Variants in PALM2AKAP2 observed in about 807,000 individuals in gnomAD.
The protein encoded by PALM2AKAP2 is PALM2-AKAP2 fusion protein.
A neutral mutation model predicts 71.5 loss-of-function variants in PALM2AKAP2; 37 were observed. The ratio of observed to expected loss-of-function variants is 0.52; its 90% CI spans 0.40 to 0.68. The LOEUF is 0.68. Among genes scored for constraint, PALM2AKAP2 ranks in the 30% least tolerant of loss-of-function variants. The pLI, the probability that PALM2AKAP2 is intolerant of heterozygous loss-of-function variation, is 0.00. For missense variants in PALM2AKAP2, 1,224 were observed against 1,191.8 expected, an observed-to-expected ratio of 1.03 and a Z score of -0.40; for synonymous variants, 468 against 478.8, an observed-to-expected ratio of 0.98 and a Z score of 0.29.
intron 1 of PALM2AKAP2, among the ~76,000 whole-genome samples, chr9:110,053,609 A>G (rs1452754340): frequency 6.6e-6 from 1 of 151,946 alleles, no homozygotes; most frequent in Non-Finnish European, 1.5e-5. Context: ...ATTTGTTCCC[A>G]TCTTGGTGAC....
At position 110,088,678 on chromosome 9, in the gene PALM2AKAP2, T is replaced by C. The variant is rs1834627661; in HGVS notation, c.156+39823T>C. On this transcript the variant is annotated intron_variant, in intron 1 of 3. Transcript: ENST00000374525. ...GCACTCTCCAGCCACTGGCCACAAG[T>C]AGCTATTAAAGTTTGCATTTACGTG... 3.4e-5 allele frequency among the ~76,000 whole-genome samples: 5 copies of C among 147,314 alleles called. No individual in the cohort carries two copies. In the Admixed American group the frequency reaches 3.5e-4, roughly 10 times the overall value.
chr9:109,726,002 C>A (rs987159898), intron 1 of PALM2AKAP2, among the ~76,000 whole-genome samples: 1 of 152,220 alleles, frequency 6.6e-6, no homozygotes, highest in African/African-American at 2.4e-5. Flanking sequence ...TAATCTGCCC[C>A]CATGTTTTCA....
intron 3 of PALM2AKAP2, among the ~76,000 whole-genome samples, chr9:109,916,089 A>G (rs754319040): frequency 2.0e-5 from 3 of 152,064 alleles, no homozygotes; most frequent in Non-Finnish European, 4.4e-5. Context: ...GATTATAGGC[A>G]CCTGCCACCA....
At chr9:109,876,969 A>T (rs1432545529) in intron 2 of PALM2AKAP2, among the ~76,000 whole-genome samples, 1 of 152,212 alleles carries the variant, frequency 6.6e-6, no homozygotes, top group Non-Finnish European at 1.5e-5. Flanking sequence ...GTGAGAAGTG[A>T]GGGGCTAGAC....
chr9:109,842,594 A>G (rs1195625808), intron 1 of PALM2AKAP2, among the ~76,000 whole-genome samples: 2 of 152,224 alleles, frequency 1.3e-5, no homozygotes, highest in Non-Finnish European at 2.9e-5. Flanking sequence ...ACATAAACCA[A>G]AAAATGGCAG....
chr9:110,070,135 A>G (rs1423991188), intron 1 of PALM2AKAP2, among the ~76,000 whole-genome samples: 1 of 152,194 alleles, frequency 6.6e-6, no homozygotes, highest in Admixed American at 6.5e-5. Flanking sequence ...CAAAACCCAT[A>G]GTGGAAACAC....
intron 6 of PALM2AKAP2, among the ~76,000 whole-genome samples, chr9:110,003,179 A>G (rs1832713839): frequency 6.6e-6 from 1 of 151,350 alleles, no homozygotes; most frequent in Admixed American, 6.6e-5. Flanking sequence ...AGTGCTATAA[A>G]TTTCCCTCTA....
intron 1 of PALM2AKAP2, among the ~76,000 whole-genome samples, chr9:109,802,127 C>T (rs937049615): frequency 1.3e-5 from 2 of 152,128 alleles, no homozygotes; most frequent in Admixed American, 6.5e-5. Context: ...AGGCCCTGAG[C>T]GTGTTTCTCT....
chr9:109,948,014 A>G (rs1399110645), intron 6 of PALM2AKAP2, among the ~76,000 whole-genome samples: 4 of 152,236 alleles, frequency 2.6e-5, no homozygotes, highest in Non-Finnish European at 5.9e-5. Context: ...AGTTATTTGT[A>G]TAATAAAACA....
intron 1 of PALM2AKAP2, among the ~76,000 whole-genome samples, chr9:109,768,033 G>GGCAGC (rs879384470): frequency 8.7e-6 from 1 of 114,404 alleles, no homozygotes. Flanking sequence ...AGGAAGGAAA[G>GGCAGC]AAAAAGAGGG....
upstream of PALM2AKAP2, chr9:110,048,691 T>C: frequency 6.5e-7 from 1 of 1,538,298 alleles, no homozygotes; most frequent in South Asian, 1.2e-5. Flanking sequence ...AGGCTACCAC[T>C]CCCTGCAGAT....
chr9:110,110,417 C>T (rs1835219975), intron 1 of PALM2AKAP2, among the ~76,000 whole-genome samples: 1 of 152,070 alleles, frequency 6.6e-6, no homozygotes, highest in South Asian at 2.1e-4. Context: ...TGATCTAGAG[C>T]ACCCTTTAGG....
intron 1 of PALM2AKAP2, among the ~76,000 whole-genome samples, chr9:110,113,548 A>T (rs1835295921): frequency 6.9e-6 from 1 of 144,764 alleles, no homozygotes; most frequent in African/African-American, 2.6e-5. Flanking sequence ...TTTTAGACAG[A>T]GTTTTGCTCT....
intron 1 of PALM2AKAP2, among the ~76,000 whole-genome samples, chr9:109,742,881 A>G (rs894457553): frequency 6.6e-6 from 1 of 152,186 alleles, no homozygotes; most frequent in Non-Finnish European, 1.5e-5. Context: ...CAAGAAAAAA[A>G]TCTCACCACA....
chr9:109,681,239 T>G (rs1436790259), intron 1 of PALM2AKAP2, among the ~76,000 whole-genome samples: 1 of 152,222 alleles, frequency 6.6e-6, no homozygotes, highest in African/African-American at 2.4e-5. Context: ...TGCCCACACA[T>G]CATTTGTACA....
chr9:109,998,612 C>A (rs1291237620), intron 6 of PALM2AKAP2, among the ~76,000 whole-genome samples: 5 of 120,760 alleles, frequency 4.1e-5, no homozygotes, highest in African/African-American at 1.7e-4. Context: ...TAATATGGTA[C>A]TTTCTGACCA....
intron 6 of PALM2AKAP2, among the ~76,000 whole-genome samples, chr9:109,998,081 T>C (rs1040983967): frequency 1.2e-4 from 18 of 152,170 alleles, no homozygotes; most frequent in Non-Finnish European, 2.2e-4. Flanking sequence ...GATGGCTGTC[T>C]GTGCAGAGAC....
intron 1 of PALM2AKAP2, among the ~76,000 whole-genome samples, chr9:109,757,524 A>T (rs1416055748): frequency 6.6e-6 from 1 of 152,076 alleles, no homozygotes; most frequent in Admixed American, 6.6e-5. Context: ...CCCATACAGA[A>T]GTTCAAGCTG....
At chr9:109,735,178 G>A (rs970297565) in intron 1 of PALM2AKAP2, among the ~76,000 whole-genome samples, 3 of 148,240 alleles carry the variant, frequency 2.0e-5, no homozygotes, top group Admixed American at 1.4e-4. Context: ...GACCCTCAGG[G>A]CCTGGCTACT....
Sources: allele counts gnomAD v4.1 joint callset (sites outside exome capture counted in the v4.1 genomes callset), GRCh38; gene constraint gnomAD v4.1.1; transcripts MANE v1.5; gene names NCBI Gene and HGNC (gene_info 2026-07-23, HGNC 2026-07-21).